KIAA1549: variants seen among roughly 807,000 people sequenced by gnomAD.
KIAA1549 encodes the protein KIAA1549, also known as UPF0606 protein KIAA1549.
A neutral mutation model predicts 156.4 loss-of-function variants in KIAA1549; 70 were observed. The observed-to-expected ratio is 0.45, with a 90% CI of 0.37 to 0.55. The LOEUF (loss-of-function observed/expected upper bound fraction) is 0.55, where lower values mean the gene tolerates loss of function less well. Among genes scored for constraint, KIAA1549 ranks in the 20% least tolerant of loss-of-function variants. The pLI is 0.00. For synonymous variants in KIAA1549, 1,103 were observed against 1,066.4 expected, an observed-to-expected ratio of 1.03 and a Z score of -0.67; for missense variants, 2,428 against 2,540.9, an observed-to-expected ratio of 0.96 and a Z score of 0.96.
At chr7:138,841,642 G>A (rs2130328191) in intron 18 of KIAA1549, among the ~76,000 whole-genome samples, 1 of 152,218 alleles carries the variant, frequency 6.6e-6, no homozygotes, top group African/African-American at 2.4e-5. Flanking sequence ...AACCACAAAG[G>A]CTCCAAGCGT....
chr7:138,895,048 T>C (rs1811646180), intron 9 of KIAA1549, among the ~76,000 whole-genome samples: 2 of 152,230 alleles, frequency 1.3e-5, no homozygotes, highest in Admixed American at 1.3e-4. Context: ...CATCTCTTTC[T>C]CCCTTCCCTC....
chr7:138,945,669 C>CCA (rs1474242165), intron 1 of KIAA1549, among the ~76,000 whole-genome samples: 5 of 152,236 alleles, frequency 3.3e-5, no homozygotes, highest in African/African-American at 1.2e-4. Flanking sequence ...GACTTCTGAC[C>CCA]ACCTGTACTT....
intron 9 of KIAA1549, among the ~76,000 whole-genome samples, chr7:138,898,323 A>G (rs1339093089): frequency 2.0e-5 from 3 of 151,308 alleles, no homozygotes; most frequent in Non-Finnish European, 2.9e-5. Flanking sequence ...AAAAAAAAAA[A>G]GCAAACAAAT....
intron 19 of KIAA1549, among the ~76,000 whole-genome samples, chr7:138,839,366 T>C (rs889540684): frequency 1.3e-5 from 2 of 152,204 alleles, no homozygotes; most frequent in Non-Finnish European, 2.9e-5. Flanking sequence ...AAAGCACTTG[T>C]AGGAATTACC....
chr7:138,928,253 T>C (rs1269368340), intron 1 of KIAA1549, among the ~76,000 whole-genome samples: 1 of 149,654 alleles, frequency 6.7e-6, no homozygotes, highest in Non-Finnish European at 1.5e-5. Flanking sequence ...CTGCCCATTT[T>C]TCTTTTGGGT....
intron 10 of KIAA1549, among the ~76,000 whole-genome samples, chr7:138,882,190 A>C (rs1258580954): frequency 6.6e-6 from 1 of 152,234 alleles, no homozygotes. Flanking sequence ...AGGAAGCAGG[A>C]GGAGAGCCTG....
chr7:138,878,487 G>A (rs1394259644), intron 12 of KIAA1549, among the ~76,000 whole-genome samples: 5 of 152,196 alleles, frequency 3.3e-5, no homozygotes, highest in South Asian at 2.1e-4. Flanking sequence ...CTGGCCGGGC[G>A]TGGTGGCTCA....
At position 138,847,912 on chromosome 7, in the gene KIAA1549, T is replaced by C. The variant is rs534517743; in HGVS notation, c.5295-3438A>G. ...GAGGGCTTAAAAGTCTTTGGTTAGA[T>C]TTATTCTGAGGTGTTTTATATTCTA... On this transcript the variant is annotated intron_variant, in intron 17 of 19. Transcript: ENST00000422774. Among the ~76,000 whole-genome samples, 3 of 127,524 alleles carry C rather than the reference T, an allele frequency of 2.4e-5. No individual in the cohort carries two copies. The South Asian group carries it at 8.1e-4, about 34-fold the overall frequency. 83.7% of individuals were successfully genotyped at this position (127,524 alleles called of 152,430 possible).
At chr7:138,895,580 T>C (rs1193670391) in intron 9 of KIAA1549, among the ~76,000 whole-genome samples, 1 of 151,924 alleles carries the variant, frequency 6.6e-6, no homozygotes, top group Non-Finnish European at 1.5e-5. Flanking sequence ...AAAAAACTCA[T>C]AGAAAGCTTC....
chr7:138,943,643 A>G (rs1813251293), intron 1 of KIAA1549, among the ~76,000 whole-genome samples: 1 of 152,034 alleles, frequency 6.6e-6, no homozygotes, highest in Non-Finnish European at 1.5e-5. Context: ...AGGTCAGGAG[A>G]TCGAGACCAT....
At chr7:138,849,086 G>C (rs148831438) in intron 17 of KIAA1549, among the ~76,000 whole-genome samples, 49 of 152,196 alleles carry the variant, frequency 3.2e-4, no homozygotes, top group South Asian at 1.2e-3. Context: ...ATGTCTGTAA[G>C]ATCTGGATTA....
At chr7:138,930,987 C>T (rs913597333) in intron 1 of KIAA1549, among the ~76,000 whole-genome samples, 2 of 152,162 alleles carry the variant, frequency 1.3e-5, no homozygotes, top group African/African-American at 4.8e-5. Context: ...TTAGAGGCCA[C>T]TGCAGAGTTA....
chr7:138,955,638 T>G (rs960146700), intron 1 of KIAA1549, among the ~76,000 whole-genome samples: 1 of 152,206 alleles, frequency 6.6e-6, no homozygotes, highest in Non-Finnish European at 1.5e-5. Flanking sequence ...ATTGTATACA[T>G]AGCATGATCC....
In KIAA1549 at chr7:138,917,026, C is replaced by T. The variant is rs200400544; in HGVS notation, c.2600G>A (p.Gly867Asp). 1 of 1,604,962 alleles carries T rather than the reference C, an allele frequency of 6.2e-7. No homozygotes were observed. Among genetic ancestry groups the T allele is most frequent in the African/African-American group, 1.3e-5 (1 of 74,910 alleles). The stretch of plus-strand genomic sequence containing the variant: ...CACCTCTGTGGGTGTGAGTGATGGG[C>T]CCACGACGGTCAGCTCTGTGGGCAG... Reference protein sequence around the residue: ...FPLPTELTVVGPSLTPTEVPL... With the variant: ...FPLPTELTVVDPSLTPTEVPL... Residue 867 changes from glycine to aspartate, a missense_variant, in exon 2 of 20, where the codon GGC becomes GAC. By Grantham distance (94) the Gly-to-Asp change is moderately conservative. Coordinates refer to ENST00000422774, the MANE Select transcript of KIAA1549 (RefSeq NM_001164665.2).
chr7:138,973,724 A>T (rs1029746526), intron 1 of KIAA1549, among the ~76,000 whole-genome samples: 1 of 152,198 alleles, frequency 6.6e-6, no homozygotes, highest in African/African-American at 2.4e-5. Context: ...AGCCCACTGC[A>T]GCCTCAACCT....
intron 16 of KIAA1549, among the ~76,000 whole-genome samples, chr7:138,857,788 A>G (rs1810436153): frequency 6.6e-6 from 1 of 152,254 alleles, no homozygotes; most frequent in African/African-American, 2.4e-5. Flanking sequence ...GGCTAATATT[A>G]ACATAGCCAT....
At chr7:138,896,200 G>A (rs1348232801) in intron 9 of KIAA1549, among the ~76,000 whole-genome samples, 2 of 152,094 alleles carry the variant, frequency 1.3e-5, no homozygotes, top group Non-Finnish European at 2.9e-5. Context: ...AGTTTTCATG[G>A]GCAGGGACTA....
intron 1 of KIAA1549, among the ~76,000 whole-genome samples, chr7:138,946,687 G>A (rs532176498): frequency 8.0e-4 from 122 of 152,260 alleles, no homozygotes; most frequent in African/African-American, 2.8e-3. Context: ...GCTGAGGTGG[G>A]AGGATCACTT....
intron 1 of KIAA1549, among the ~76,000 whole-genome samples, chr7:138,935,887 A>G (rs1455773066): frequency 2.0e-5 from 3 of 152,224 alleles, no homozygotes; most frequent in African/African-American, 7.2e-5. Flanking sequence ...CAAAGGCACC[A>G]TGTCTGGACA....
Sources: gnomAD v4.1 joint callset for allele counts (sites outside exome capture counted in the v4.1 genomes callset) on GRCh38, gnomAD v4.1.1 for gene constraint, MANE v1.5 for transcripts, NCBI Gene and HGNC (gene_info 2026-07-23, HGNC 2026-07-21) for gene names.